CDYL: variants seen among roughly 807,000 people sequenced by gnomAD.
CDYL encodes chromodomain Y like, also known as chromodomain Y-like protein.
Under a neutral mutation model 47.3 loss-of-function variants are expected in CDYL, and 8 were observed. The ratio of observed to expected loss-of-function variants is 0.17; its 90% CI spans 0.10 to 0.31. The LOEUF (loss-of-function observed/expected upper bound fraction) is 0.31, where lower values mean the gene tolerates loss of function less well. Ranked by LOEUF, CDYL falls within the 10% of genes least tolerant of loss-of-function variation. CDYL has a pLI of 1.00. For missense variants in CDYL, 471 were observed against 701.4 expected (o/e 0.67, Z 3.71); for synonymous variants, 266 against 265.0 (o/e 1.00, Z -0.04).
At chr6:4,844,247 ATTG>A (rs1280927304) in intron 1 of CDYL, among the ~76,000 whole-genome samples, 13 of 152,078 alleles carry the variant, frequency 8.5e-5, no homozygotes, top group Admixed American at 6.5e-4. Context: ...GGTTTTGTTC[ATTG>A]TTACTAGTTT....
intron 1 of CDYL, among the ~76,000 whole-genome samples, chr6:4,810,739 T>A (rs1759504226): frequency 6.6e-6 from 1 of 152,210 alleles, no homozygotes; most frequent in Non-Finnish European, 1.5e-5. Context: ...GGCTGCTCTC[T>A]GCCCTTCTCA....
chr6:4,820,242 C>A (rs1561653273), intron 1 of CDYL, among the ~76,000 whole-genome samples: 2 of 152,290 alleles, frequency 1.3e-5, no homozygotes, highest in South Asian at 4.1e-4. Flanking sequence ...GTAGCATTTC[C>A]CTGTTATTTC....
chr6:4,732,882 C>T (rs1757632613), intron 2 of CDYL, among the ~76,000 whole-genome samples: 1 of 152,134 alleles, frequency 6.6e-6, no homozygotes, highest in African/African-American at 2.4e-5. Context: ...TGAACAGGGA[C>T]AACAGAGGTG....
At chr6:4,711,872 C>T (rs1286122830) in intron 1 of CDYL, among the ~76,000 whole-genome samples, 1 of 152,130 alleles carries the variant, frequency 6.6e-6, no homozygotes, top group Non-Finnish European at 1.5e-5. Context: ...TGAAACCAGG[C>T]TGGCCAGCAT....
intron 5 of CDYL, among the ~76,000 whole-genome samples, chr6:4,950,093 G>A (rs891447566): frequency 3.9e-5 from 6 of 152,156 alleles, no homozygotes; most frequent in Admixed American, 1.3e-4. Context: ...CTGGTATCAG[G>A]CCCAAGAGAG....
chr6:4,879,693 G>A (rs982388754), intron 1 of CDYL, among the ~76,000 whole-genome samples: 7 of 151,550 alleles, frequency 4.6e-5, no homozygotes, highest in Non-Finnish European at 7.4e-5. Context: ...CAGGTAGCTG[G>A]GATTACAGGA....
intron 2 of CDYL, among the ~76,000 whole-genome samples, chr6:4,898,392 T>C (rs1177714933): frequency 1.3e-5 from 2 of 152,154 alleles, no homozygotes; most frequent in East Asian, 1.9e-4. Flanking sequence ...CAAGAAAGAT[T>C]TCAGTTTGAA....
At chr6:4,923,154 C>G (rs950642863) in intron 2 of CDYL, among the ~76,000 whole-genome samples, 1 of 152,104 alleles carries the variant, frequency 6.6e-6, no homozygotes, top group Non-Finnish European at 1.5e-5. Context: ...CAGTGCCATA[C>G]GACACTCAGA....
chr6:4,829,241 G>A (rs530305542), intron 1 of CDYL, among the ~76,000 whole-genome samples: 1 of 151,868 alleles, frequency 6.6e-6, no homozygotes, highest in Non-Finnish European at 1.5e-5. Flanking sequence ...GGATTTTTTT[G>A]TTGTTGTTGT....
intron 1 of CDYL, among the ~76,000 whole-genome samples, chr6:4,868,122 CT>C (rs962499829): frequency 6.6e-6 from 1 of 151,710 alleles, no homozygotes; most frequent in African/African-American, 2.4e-5. Context: ...ATACTTGGAT[CT>C]TTATTGTTTC....
intron 2 of CDYL, among the ~76,000 whole-genome samples, chr6:4,903,334 A>G (rs1480350899): frequency 6.6e-6 from 1 of 152,196 alleles, no homozygotes; most frequent in Admixed American, 6.5e-5. Flanking sequence ...GAACTTCTTG[A>G]GAGTAAGAAC....
intron 1 of CDYL, among the ~76,000 whole-genome samples, chr6:4,707,167 G>C (rs1757061876): frequency 6.6e-6 from 1 of 152,190 alleles, no homozygotes; most frequent in African/African-American, 2.4e-5. Flanking sequence ...TTCCCCAGGG[G>C]TGTATTCCTG....
At chr6:4,717,165 C>T (rs145559428) in intron 2 of CDYL, among the ~76,000 whole-genome samples, 25 of 152,168 alleles carry the variant, frequency 1.6e-4, no homozygotes, top group African/African-American at 6.0e-4. Context: ...CAGTGAGGGG[C>T]TCACACCTGA....
intron 1 of CDYL, among the ~76,000 whole-genome samples, chr6:4,838,090 G>A (rs1271847818): frequency 6.6e-6 from 1 of 151,948 alleles, no homozygotes; most frequent in Non-Finnish European, 1.5e-5. Flanking sequence ...AAATATTCTT[G>A]ATACATTTTT....
intron 1 of CDYL, among the ~76,000 whole-genome samples, chr6:4,707,764 TG>T (rs199554793): frequency 0.028 from 4,219 of 152,318 alleles, 68 homozygotes; most frequent in Middle Eastern, 0.051. Context: ...GCCATCCTAG[TG>T]GGTGTGAGAT....
intron 1 of CDYL, chr6:4,714,918 A>G (rs1261835765): frequency 6.6e-6 from 1 of 152,158 alleles, no homozygotes; most frequent in Admixed American, 6.5e-5. Context: ...GCTGTAAATG[A>G]CATGTTATAA....
chr6:4,928,324 T>TTTGTTTATTCCATTTTTTTTAAG (rs1211998022), intron 2 of CDYL, among the ~76,000 whole-genome samples: 28 of 152,198 alleles, frequency 1.8e-4, no homozygotes, highest in Admixed American at 1.8e-3. Flanking sequence ...ATGTTTTCTG[T>TTTGTTTATTCCATTTTTTTTAAG]TTGTTTATTC....
chr6:4,930,496 G>C (rs1450443611), intron 2 of CDYL, among the ~76,000 whole-genome samples: 1 of 152,196 alleles, frequency 6.6e-6, no homozygotes, highest in Non-Finnish European at 1.5e-5. Context: ...GGACTGTTAG[G>C]CTCACCATGT....
chr6:4,907,153 G>A (rs1339276670), intron 2 of CDYL, among the ~76,000 whole-genome samples: 1 of 152,186 alleles, frequency 6.6e-6, no homozygotes, highest in Admixed American at 6.5e-5. Context: ...CTGAGCTCAA[G>A]TGAGTCAGGG....
Sources: allele counts gnomAD v4.1 joint callset (sites outside exome capture counted in the v4.1 genomes callset), GRCh38; gene constraint gnomAD v4.1.1; transcripts MANE v1.5; gene names NCBI Gene and HGNC (gene_info 2026-07-23, HGNC 2026-07-21).